Variants in PIP5K1C observed in about 807,000 individuals in gnomAD.
PIP5K1C encodes phosphatidylinositol 4-phosphate 5-kinase type-1 gamma.
PIP5K1C carries 45 observed loss-of-function variants against 80.1 expected under a neutral mutation model. That is an observed-to-expected ratio of 0.56 (90% CI 0.44 to 0.72). The LOEUF is 0.72. PIP5K1C is among the 30% of genes least tolerant of loss of function. The probability of loss-of-function intolerance (pLI) is 0.00; values close to 1 mark genes in which losing one functional copy is unlikely to be tolerated. For synonymous variants in PIP5K1C, 498 were observed against 420.1 expected, an observed-to-expected ratio of 1.19 and a Z score of -2.27; for missense variants, 753 against 954.6, an observed-to-expected ratio of 0.79 and a Z score of 2.78.
At position 3,696,874 on chromosome 19, in the gene PIP5K1C, G is replaced by C. The variant is rs528991520; in HGVS notation, c.94+3423C>G. Among the ~76,000 whole-genome samples the C allele has an allele frequency of 6.6e-6, 1 of 152,164 alleles. No homozygotes were observed. The highest frequency in any genetic ancestry group is 2.1e-4 in the South Asian group (1 of 4,828). ...GCAGAGGAGGGTCGGGACTCGGGCC[G>C]CTGGTTTTTAATGGGGTCCTCCTGG... On this transcript the variant is annotated intron_variant, in intron 1 of 17. Coordinates refer to ENST00000335312, the MANE Select transcript of PIP5K1C (RefSeq NM_012398.3). The surrounding 1 kb of genome is among the most constrained non-coding windows in gnomAD (Gnocchi z 4.1).
In PIP5K1C at chr19:3,638,794, G is replaced by C. The variant is rs995549584; in HGVS notation, c.1920+90C>G. On this transcript the variant is annotated intron_variant, in intron 16 of 17. Transcript: ENST00000335312. ...GGGCACACTCACGTGCCTGTGTGCA[G>C]GTGTGTGTATGCGGTGTGCACACGG... 22 of 1,528,378 alleles carry C rather than the reference G, an allele frequency of 1.4e-5. No homozygotes were observed. The African/African-American group carries it at 2.9e-4, about 20-fold the overall frequency. 94.7% of individuals were successfully genotyped at this position (1,528,378 alleles called of 1,614,324 possible).
intron 1 of PIP5K1C, among the ~76,000 whole-genome samples, chr19:3,691,231 G>C (rs2035939104): frequency 6.6e-6 from 1 of 152,234 alleles, no homozygotes; most frequent in African/African-American, 2.4e-5. Context: ...CTGAGGATGG[G>C]AGAGATGGAC....
At chr19:3,634,365 C>A (rs2033587403) in intron 16 of PIP5K1C, among the ~76,000 whole-genome samples, 1 of 151,926 alleles carries the variant, frequency 6.6e-6, no homozygotes, top group South Asian at 2.1e-4. Context: ...GCCTGGCCGC[C>A]CTGTCTTCCT....
At chr19:3,653,959 CATGT>C (rs1159061490) in intron 6 of PIP5K1C, among the ~76,000 whole-genome samples, 1 of 152,216 alleles carries the variant, frequency 6.6e-6, no homozygotes, top group African/African-American at 2.4e-5. Flanking sequence ...AAAATACATA[CATGT>C]ATGTATATGC....
At chr19:3,635,522 A>G (rs574275116) in intron 16 of PIP5K1C, among the ~76,000 whole-genome samples, 3 of 152,282 alleles carry the variant, frequency 2.0e-5, no homozygotes, top group Admixed American at 1.3e-4. Flanking sequence ...ATCTCTTACT[A>G]AAAATACAAA....
intron 1 of PIP5K1C, among the ~76,000 whole-genome samples, chr19:3,690,701 C>T (rs1433111221): frequency 6.6e-6 from 1 of 152,112 alleles, no homozygotes; most frequent in Non-Finnish European, 1.5e-5. Flanking sequence ...CAAAGAAGTA[C>T]CTGCACTTGT....
intron 1 of PIP5K1C, among the ~76,000 whole-genome samples, chr19:3,689,589 C>A (rs1022131485): frequency 6.6e-6 from 1 of 152,106 alleles, no homozygotes; most frequent in Non-Finnish European, 1.5e-5. Context: ...ACAGAGGTTT[C>A]GGTGAGCTGA....
intron 14 of PIP5K1C, 150 bp from the exon 15 acceptor site, chr19:3,641,959 CG>C: frequency 8.6e-6 from 6 of 701,306 alleles, no homozygotes; most frequent in South Asian, 6.2e-5. Context: ...ACTCCCAGCC[CG>C]GGGACTGTCC....
At chr19:3,639,078 C>T in intron 15 of PIP5K1C, 62 bp from the exon 16 acceptor site, 5 of 1,584,090 alleles carry the variant, frequency 3.2e-6, no homozygotes, top group Middle Eastern at 3.4e-4. Context: ...CTCCCCGCGC[C>T]CCCACTCAGG....
intron 10 of PIP5K1C, 36 bp downstream of exon 10, chr19:3,647,302 T>C (rs1292553477): frequency 1.4e-6 from 2 of 1,446,954 alleles, no homozygotes; most frequent in Middle Eastern, 1.9e-4. Context: ...GGAGGAGGGA[T>C]GGGAGGAGGA....
intron 16 of PIP5K1C, chr19:3,636,397 T>C (rs2033687834): frequency 5.1e-6 from 5 of 985,410 alleles, no homozygotes; most frequent in Non-Finnish European, 4.8e-6. Context: ...CCCCCACACT[T>C]CCGCTTCTGC....
At chr19:3,645,249 G>A (rs999541447) in intron 11 of PIP5K1C, among the ~76,000 whole-genome samples, 1 of 152,234 alleles carries the variant, frequency 6.6e-6, no homozygotes, top group Non-Finnish European at 1.5e-5. Context: ...GCATCTCTGT[G>A]GGCCAGGCCT....
intron 16 of PIP5K1C, 44 bp from the exon 17 acceptor site, chr19:3,633,564 T>G: frequency 7.6e-7 from 1 of 1,318,050 alleles, no homozygotes. Context: ...AAGAGCAGGG[T>G]GCGAGGAGGT....
At chr19:3,635,339 G>C (rs983728700) in intron 16 of PIP5K1C, among the ~76,000 whole-genome samples, 1 of 152,178 alleles carries the variant, frequency 6.6e-6, no homozygotes, top group Admixed American at 6.5e-5. Context: ...TTGAGGTCAG[G>C]AGTTCAAGAC....
chr19:3,658,944 A>G (rs1206838303), intron 5 of PIP5K1C, among the ~76,000 whole-genome samples: 1 of 152,062 alleles, frequency 6.6e-6, no homozygotes, highest in Non-Finnish European at 1.5e-5. Flanking sequence ...GGCTCTCGGC[A>G]GCTGCGCCGC....
chr19:3,682,959 G>GTCCTTCCCC (rs1326602797), intron 1 of PIP5K1C, among the ~76,000 whole-genome samples: 3 of 59,710 alleles, frequency 5.0e-5, no homozygotes, highest in African/African-American at 1.3e-4. Context: ...CTCCCCTCCT[G>GTCCTTCCCC]TCCTTCCCCT....
chr19:3,664,689 A>C, intron 3 of PIP5K1C, 133 bp downstream of exon 3: 1 of 810,484 alleles, frequency 1.2e-6, no homozygotes, highest in Non-Finnish European at 2.2e-6. Context: ...CTGCCTCCAC[A>C]CAGCCCACAC....
rs944980849 is a variant in PIP5K1C at position 3,637,879 on chromosome 19, G to A, written c.1920+1005C>T. On this transcript the variant is annotated intron_variant, in intron 16 of 17. Coordinates refer to ENST00000335312, the MANE Select transcript of PIP5K1C (RefSeq NM_012398.3). This position sits in a 1 kb window ranked among gnomAD's most constrained non-coding sequence, Gnocchi z 7.0. ...CCCCAGGCCCCCCGTACCATCCGGA[G>A]ACCAGGACGCGCACAAACCAGTCCC... The A allele has an allele frequency of 5.6e-5, 86 of 1,535,290 alleles. No homozygotes were observed. The highest frequency in any genetic ancestry group is 7.0e-5 in the Non-Finnish European group (80 of 1,146,708).
chr19:3,660,959 T>C lies in PIP5K1C; in HGVS notation c.468+7A>G, dbSNP rs538070418. 1.7e-5 allele frequency: 27 copies of C among 1,607,254 alleles called. No individual in the cohort carries two copies. The South Asian group carries it at 2.7e-4, about 16-fold the overall frequency. On this transcript the variant is annotated splice_region_variant and intron_variant, in intron 5 of 17. Transcript: ENST00000335312. The stretch of plus-strand genomic sequence containing the variant: ...GCCTGGAAGCCCGTAACAGCAAATA[T>C]GCTTACCAAGTAATCATCTGGCCGG...
Sources: gnomAD v4.1 joint callset for allele counts (sites outside exome capture counted in the v4.1 genomes callset) on GRCh38, gnomAD v4.1.1 for gene constraint, Gnocchi (gnomAD v3.1) non-coding constraint, MANE v1.5 for transcripts, NCBI Gene and HGNC (gene_info 2026-07-23, HGNC 2026-07-21) for gene names.